The following ANKRD6 variants were observed in gnomAD, a reference collection of about 807,000 sequenced individuals.
ANKRD6 encodes ankyrin repeat domain 6.
Under a neutral mutation model 82.3 loss-of-function variants are expected in ANKRD6, and 56 were observed. The observed-to-expected ratio is 0.68, with a 90% CI of 0.55 to 0.85. The LOEUF is 0.85. ANKRD6 is among the 40% of genes least tolerant of loss of function. The pLI is 0.00. For synonymous variants in ANKRD6, 347 were observed against 352.1 expected, an observed-to-expected ratio of 0.99 and a Z score of 0.16; for missense variants, 852 against 907.6, an observed-to-expected ratio of 0.94 and a Z score of 0.79.
At chr6:89,565,838 T>C (rs902659446) in intron 1 of ANKRD6, among the ~76,000 whole-genome samples, 2 of 152,218 alleles carry the variant, frequency 1.3e-5, no homozygotes, top group Admixed American at 6.5e-5. Context: ...AAGTATCTTT[T>C]AAAATGCAAA....
At chr6:89,622,899 T>C (rs966197848) in intron 10 of ANKRD6, among the ~76,000 whole-genome samples, 2 of 151,714 alleles carry the variant, frequency 1.3e-5, no homozygotes, top group African/African-American at 4.8e-5. Flanking sequence ...ACTTCCTAGA[T>C]GTGAATTGTA....
intron 1 of ANKRD6, among the ~76,000 whole-genome samples, chr6:89,533,316 A>G (rs940130851): frequency 6.6e-6 from 1 of 152,188 alleles, no homozygotes; most frequent in Admixed American, 6.5e-5. Flanking sequence ...GACTTGTCCA[A>G]GGTCATGTAG....
intron 14 of ANKRD6, among the ~76,000 whole-genome samples, chr6:89,628,046 A>G (rs1303099310): frequency 6.6e-6 from 1 of 152,114 alleles, no homozygotes; most frequent in African/African-American, 2.4e-5. Context: ...AAGATAAGAG[A>G]CATGGAATGA....
rs1563194796 is a variant in ANKRD6, at chr6:89,631,442, T to C, written c.*438T>C. The C allele has an allele frequency of 6.5e-6, 1 of 153,396 alleles. No homozygotes were observed. The highest frequency in any genetic ancestry group is 2.4e-5 in the African/African-American group (1 of 41,466). The allele number at this position is 153,396 out of a possible 1,614,324, so 9.5% of individuals were successfully genotyped here. A position where few individuals can be genotyped will look rare whatever the true frequency, so the allele number is the denominator to read the frequency against. ...AACACACCTGCTGTGCCTAGACAAGTGTCTTTCTGTAAGAGCTGTAACTCT... is the reference window on the plus strand; with the variant it reads ...AACACACCTGCTGTGCCTAGACAAGCGTCTTTCTGTAAGAGCTGTAACTCT... On this transcript the variant is annotated 3_prime_UTR_variant, in exon 16 of 16. Transcript: ENST00000339746.
chr6:89,581,900 GT>G (rs1467305086), intron 2 of ANKRD6, among the ~76,000 whole-genome samples: 1 of 152,196 alleles, frequency 6.6e-6, no homozygotes, highest in East Asian at 1.9e-4. Context: ...TGTGGAGCAG[GT>G]GTCTTTTCAC....
chr6:89,466,129 A>G (rs1455750847), intron 1 of ANKRD6, among the ~76,000 whole-genome samples: 1 of 152,166 alleles, frequency 6.6e-6, no homozygotes, highest in Non-Finnish European at 1.5e-5. Context: ...TCCCCTAATA[A>G]TATATCATGA....
chr6:89,616,736 AC>A, intron 8 of ANKRD6, 79 bp downstream of exon 8: 2 of 1,371,490 alleles, frequency 1.5e-6, no homozygotes, highest in Non-Finnish European at 2.1e-6. Flanking sequence ...ACCCCTGCAG[AC>A]CCCCAGGCCC....
Position 89,616,428 on chromosome 6 carries a change from A to G in ANKRD6, c.616-131A>G, listed in dbSNP as rs1020862840. The G allele has an allele frequency of 9.4e-6, 7 of 744,908 alleles. No homozygotes were observed. In the Admixed American group the frequency reaches 1.8e-4, roughly 19 times the overall value. The allele number at this position is 744,908 out of a possible 1,614,324, so 46.1% of individuals were successfully genotyped here. A position where few individuals can be genotyped will look rare whatever the true frequency, so the allele number is the denominator to read the frequency against. The stretch of plus-strand genomic sequence containing the variant: ...AGTAGAGCCTCATAACGCTTTAACA[A>G]AGGGCCCCATTTCAGTCTCAGGCAA... On this transcript the variant is annotated intron_variant, in intron 7 of 15. Transcript: ENST00000339746.
intron 5 of ANKRD6, among the ~76,000 whole-genome samples, chr6:89,606,356 A>T (rs1798616558): frequency 6.6e-6 from 1 of 152,212 alleles, no homozygotes; most frequent in Admixed American, 6.5e-5. Flanking sequence ...TGCTGCTGGG[A>T]ATCTACATGC....
chr6:89,593,494 A>G (rs1795287813), intron 2 of ANKRD6, among the ~76,000 whole-genome samples: 1 of 152,180 alleles, frequency 6.6e-6, no homozygotes, highest in South Asian at 2.1e-4. Flanking sequence ...AAGGCTTTTT[A>G]TAGCCCACTT....
chr6:89,441,271 C>T (rs1771342369), intron 1 of ANKRD6, among the ~76,000 whole-genome samples: 1 of 152,186 alleles, frequency 6.6e-6, no homozygotes, highest in Non-Finnish European at 1.5e-5. Context: ...CTGCCTCAGC[C>T]TCCTGAGTAG....
chr6:89,572,603 ATCCAATG>A (rs1391344210), intron 2 of ANKRD6, among the ~76,000 whole-genome samples: 8 of 152,202 alleles, frequency 5.3e-5, no homozygotes, highest in African/African-American at 1.9e-4. Flanking sequence ...TCATTGCCAG[ATCCAATG>A]TCATGAAGCT....
chr6:89,569,894 A>C (rs1789407031), intron 2 of ANKRD6, among the ~76,000 whole-genome samples: 1 of 151,910 alleles, frequency 6.6e-6, no homozygotes, highest in African/African-American at 2.4e-5. Context: ...TCCCATTTAC[A>C]CTCCAAAGAA....
chr6:89,621,921 G>T lies in ANKRD6; in HGVS notation c.793-1G>T. ...GTAACAATGCCGTTTGCCTCCTTCAGGTCTTGCGCTTCAGTCGTGGGCGAA... is the reference window on the plus strand; with the variant it reads ...GTAACAATGCCGTTTGCCTCCTTCATGTCTTGCGCTTCAGTCGTGGGCGAA... On this transcript the variant is annotated splice_acceptor_variant, in intron 9 of 15. Coordinates refer to ENST00000339746, the MANE Select transcript of ANKRD6 (RefSeq NM_001242809.2). LOFTEE classifies it high-confidence loss of function. 2 of 1,613,938 alleles carry T rather than the reference G, an allele frequency of 1.2e-6. No homozygotes were observed. Among genetic ancestry groups the T allele is most frequent in the South Asian group, 1.1e-5 (1 of 91,072 alleles).
chr6:89,585,841 G>C (rs572649174), intron 2 of ANKRD6, among the ~76,000 whole-genome samples: 8 of 152,204 alleles, frequency 5.3e-5, no homozygotes, highest in Non-Finnish European at 1.2e-4. Flanking sequence ...GGAGGCGGAG[G>C]TTGCAGTGAG....
chr6:89,535,768 A>G (rs1783748710), intron 1 of ANKRD6, among the ~76,000 whole-genome samples: 1 of 152,256 alleles, frequency 6.6e-6, no homozygotes. Context: ...GCAGTGTCAC[A>G]TGACAGTTCC....
chr6:89,455,314 T>C (rs1387626981), intron 1 of ANKRD6, among the ~76,000 whole-genome samples: 1 of 152,130 alleles, frequency 6.6e-6, no homozygotes, highest in Non-Finnish European at 1.5e-5. Context: ...TCTGCTTGGC[T>C]TCCAGGGAGG....
intron 1 of ANKRD6, among the ~76,000 whole-genome samples, chr6:89,545,924 C>T (rs369649035): frequency 6.6e-5 from 10 of 152,294 alleles, no homozygotes; most frequent in African/African-American, 2.4e-4. Context: ...CCTGCCTCAG[C>T]CTCCTGAGCA....
intron 4 of ANKRD6, among the ~76,000 whole-genome samples, chr6:89,604,006 CAAAT>C (rs1336917922): frequency 6.6e-6 from 1 of 152,200 alleles, no homozygotes; most frequent in African/African-American, 2.4e-5. Flanking sequence ...TGTCTCTTAA[CAAAT>C]AAATAAATAA....
Sources: gnomAD v4.1 joint callset for allele counts (sites outside exome capture counted in the v4.1 genomes callset) on GRCh38, gnomAD v4.1.1 for gene constraint, MANE v1.5 for transcripts, NCBI Gene and HGNC (gene_info 2026-07-23, HGNC 2026-07-21) for gene names.